The following ARHGAP35 variants were observed in gnomAD, a reference collection of about 807,000 sequenced individuals.
ARHGAP35 encodes Rho GTPase activating protein 35.
ARHGAP35 carries 15 observed loss-of-function variants against 111.1 expected under a neutral mutation model. The ratio of observed to expected loss-of-function variants is 0.13; its 90% CI spans 0.09 to 0.21. The LOEUF (loss-of-function observed/expected upper bound fraction) is 0.21, where lower values mean the gene tolerates loss of function less well. ARHGAP35 is among the 10% of genes least tolerant of loss of function. ARHGAP35 has a pLI of 1.00. For missense variants in ARHGAP35, 1,262 were observed against 1,873.0 expected (o/e 0.67, Z 6.02); for synonymous variants, 643 against 710.3 (o/e 0.91, Z 1.51).
intron 3 of ARHGAP35, among the ~76,000 whole-genome samples, chr19:46,973,737 C>T (rs957403046): frequency 2.6e-5 from 4 of 150,992 alleles, no homozygotes; most frequent in African/African-American, 9.8e-5. Flanking sequence ...TCTGTAATCC[C>T]AGCACTTTGG....
chr19:46,976,541 C>T (rs921855768), intron 3 of ARHGAP35, among the ~76,000 whole-genome samples: 2 of 152,242 alleles, frequency 1.3e-5, no homozygotes, highest in East Asian at 3.8e-4. Flanking sequence ...GTCTGGGTGG[C>T]GGCCCAAGGC....
intron 5 of ARHGAP35, among the ~76,000 whole-genome samples, chr19:46,990,327 T>C (rs2056673208): frequency 6.6e-6 from 1 of 152,220 alleles, no homozygotes; most frequent in Admixed American, 6.5e-5. Context: ...TGCCTCTCTG[T>C]AGAGGTGTTT....
chr19:46,950,976 A>G (rs1442152950), intron 3 of ARHGAP35, among the ~76,000 whole-genome samples: 10 of 152,200 alleles, frequency 6.6e-5, no homozygotes, highest in Non-Finnish European at 1.3e-4. Context: ...AGAGCAAGTC[A>G]AGAAATGAGG....
chr19:46,928,012 C>T lies in ARHGAP35; in HGVS notation c.3681+5656C>T, dbSNP rs540796261. On this transcript the variant is annotated intron_variant, in intron 2 of 6. Transcript: ENST00000672722. ...CTCCTCACTGCCCCCCAGAACAGCA[C>T]GGTGCTGTTTGTTTCTAGCTTCAGA... Among the ~76,000 whole-genome samples, 4 of 152,248 alleles carry T rather than the reference C, an allele frequency of 2.6e-5. No individual in the cohort carries two copies. The South Asian group carries it at 6.2e-4, about 24-fold the overall frequency.
At position 46,921,990 on chromosome 19, in the gene ARHGAP35, C is replaced by T. The variant is rs768037614; in HGVS notation, c.3315C>T (p.Tyr1105=). ...CAAGGAATGAAGAAGAAAACATATA[C>T]TCCGTGCCCCATGACAGCACCCAAG... ...VKPRNEEENI[Y]SVPHDSTQGK... The change falls in exon 2 of 7, where the codon TAC becomes TAT. Residue 1105 remains tyrosine, a synonymous_variant. Transcript: ENST00000672722. This position sits in a 1 kb window ranked among gnomAD's most constrained non-coding sequence, Gnocchi z 4.3. 6.2e-7 allele frequency: 1 copy of T among 1,613,996 alleles called. No homozygotes were observed. Among genetic ancestry groups the T allele is most frequent in the South Asian group, 1.1e-5 (1 of 91,078 alleles).
At chr19:46,866,198 C>A (rs2055855725) in intron 1 of ARHGAP35, among the ~76,000 whole-genome samples, 1 of 152,136 alleles carries the variant, frequency 6.6e-6, no homozygotes, top group South Asian at 2.1e-4. Context: ...TCCATGATGT[C>A]CAGTTGGTAA....
At position 46,989,790 on chromosome 19, in the gene ARHGAP35, A is replaced by G; in HGVS notation, c.4036+115A>G. 6.6e-7 allele frequency: 1 copy of G among 1,525,674 alleles called. No individual in the cohort carries two copies. Among genetic ancestry groups the G allele is most frequent in the Non-Finnish European group, 8.9e-7 (1 of 1,124,304 alleles). The allele number at this position is 1,525,674 out of a possible 1,614,324, so 94.5% of individuals were successfully genotyped here. A position where few individuals can be genotyped will look rare whatever the true frequency, so the allele number is the denominator to read the frequency against. ...CTGTTAGAGCTGAGGTTTGAAGGAC[A>G]GAGGGCAAGGGAATTAACCAGATGA... On this transcript the variant is annotated intron_variant, in intron 5 of 6. Coordinates refer to ENST00000672722, the MANE Select transcript of ARHGAP35 (RefSeq NM_004491.5). This position sits in a 1 kb window ranked among gnomAD's most constrained non-coding sequence, Gnocchi z 5.3.
rs76412782 is a variant in ARHGAP35, at chr19:46,915,338, G to A, written c.-188-3150G>A. 7.9e-3 allele frequency among the ~76,000 whole-genome samples: 1,201 copies of A among 152,282 alleles called. 8 individuals carry two copies. The highest frequency in any genetic ancestry group is 0.027 in the African/African-American group (1,125 of 41,548). On this transcript the variant is annotated intron_variant, in intron 1 of 6. Coordinates refer to ENST00000672722, the MANE Select transcript of ARHGAP35 (RefSeq NM_004491.5). ...CTTTAGGAACATGCCATTATCTGGA[G>A]GCAATTGCCTACAGTCATTGAGATT...
chr19:46,991,108 C>T (rs2056677105), intron 5 of ARHGAP35, among the ~76,000 whole-genome samples: 2 of 152,172 alleles, frequency 1.3e-5, no homozygotes, highest in African/African-American at 4.8e-5. Flanking sequence ...GGCTTCTCCC[C>T]TGATCCTGCT....
At chr19:46,941,338 A>C (rs2056345757) in intron 3 of ARHGAP35, among the ~76,000 whole-genome samples, 1 of 151,916 alleles carries the variant, frequency 6.6e-6, no homozygotes, top group South Asian at 2.1e-4. Flanking sequence ...GCCAAATTTC[A>C]CCTTCCTGAA....
chr19:46,996,660 C>T (rs1037616834), intron 5 of ARHGAP35, among the ~76,000 whole-genome samples: 4 of 152,174 alleles, frequency 2.6e-5, no homozygotes, highest in African/African-American at 4.8e-5. Context: ...CAGGCACCTA[C>T]GGAGAGACCT....
chr19:46,920,628 C>T lies in ARHGAP35; in HGVS notation c.1953C>T (p.Phe651=). The change falls in exon 2 of 7, where the codon TTC becomes TTT. Residue 651 remains phenylalanine (F), a synonymous_variant. Transcript: ENST00000672722. This position sits in a 1 kb window ranked among gnomAD's most constrained non-coding sequence, Gnocchi z 7.0. Reference sequence around the variant, plus strand: ...ATGTCAGGCTTCCTGTGAACTCTTTCCAGACGCCAACATTTCAGCCCCACG... The same window carrying T: ...ATGTCAGGCTTCCTGTGAACTCTTTTCAGACGCCAACATTTCAGCCCCACG... ...EGNVRLPVNS[F]QTPTFQPHGC... The T allele has an allele frequency of 1.2e-6, 2 of 1,614,020 alleles. No homozygotes were observed. Among genetic ancestry groups the T allele is most frequent in the Non-Finnish European group, 1.7e-6 (2 of 1,179,904 alleles).
intron 1 of ARHGAP35, among the ~76,000 whole-genome samples, chr19:46,905,085 G>A (rs1484318182): frequency 6.6e-6 from 1 of 152,182 alleles, no homozygotes; most frequent in Non-Finnish European, 1.5e-5. Flanking sequence ...AGGAGGAGAA[G>A]AAAAGGTTTA....
chr19:46,987,891 A>C, intron 3 of ARHGAP35, 98 bp from the exon 4 acceptor site: 1 of 1,220,074 alleles, frequency 8.2e-7, no homozygotes, highest in Non-Finnish European at 1.2e-6. Flanking sequence ...TGGGCACCTC[A>C]TGGACTTTCC....
intron 1 of ARHGAP35, among the ~76,000 whole-genome samples, chr19:46,871,407 G>T: frequency 6.6e-6 from 1 of 152,108 alleles, no homozygotes; most frequent in Middle Eastern, 3.4e-3. Context: ...CAGTGGCATG[G>T]TCTTGGCTCA....
At chr19:46,902,403 T>C (rs899828140) in intron 1 of ARHGAP35, among the ~76,000 whole-genome samples, 1 of 152,174 alleles carries the variant, frequency 6.6e-6, no homozygotes, top group African/African-American at 2.4e-5. Context: ...CAGACAACAC[T>C]GGCCTTACTG....
rs371825201 is a variant in ARHGAP35 at position 46,895,927 on chromosome 19, AC to A, written c.-188-22557del. Among the ~76,000 whole-genome samples, 60 of 152,030 alleles carry A rather than the reference AC, an allele frequency of 3.9e-4. No homozygotes were observed. The East Asian group carries it at 0.01, about 27-fold the overall frequency. The stretch of plus-strand genomic sequence containing the variant: ...AGACCAGCCTGGCCAACATGGTGAA[AC>A]CCCATCTCTACTAAAAATACGTAAT... On this transcript the variant is annotated intron_variant, in intron 1 of 6. Coordinates refer to ENST00000672722, the MANE Select transcript of ARHGAP35 (RefSeq NM_004491.5).
chr19:46,989,513 G>GT lies in ARHGAP35; in HGVS notation c.3905-28dup. 6.2e-7 allele frequency: 1 copy of GT among 1,612,982 alleles called. No individual in the cohort carries two copies. The highest frequency in any genetic ancestry group is 8.5e-7 in the Non-Finnish European group (1 of 1,179,326). On this transcript the variant is annotated intron_variant, in intron 4 of 6. Transcript: ENST00000672722. This position sits in a 1 kb window ranked among gnomAD's most constrained non-coding sequence, Gnocchi z 5.3. ...TGATGCTTCTGCCTGGCTTAGAATG[G>GT]TTTGGCCTCACTCTCCTGACTTCCT... is the stretch of plus-strand genomic sequence containing the variant.
chr19:46,973,324 G>A (rs994284372), intron 3 of ARHGAP35, among the ~76,000 whole-genome samples: 3 of 151,678 alleles, frequency 2.0e-5, no homozygotes, highest in East Asian at 2.0e-4. Flanking sequence ...AGATCGTGCC[G>A]CTGCACTCCA....
Sources: gnomAD v4.1 joint callset for allele counts (sites outside exome capture counted in the v4.1 genomes callset) on GRCh38, gnomAD v4.1.1 for gene constraint, Gnocchi (gnomAD v3.1) non-coding constraint, MANE v1.5 for transcripts, NCBI Gene and HGNC (gene_info 2026-07-23, HGNC 2026-07-21) for gene names.